The following LTBP1 variants were observed in gnomAD, a reference collection of about 807,000 sequenced individuals.
The protein encoded by LTBP1 is latent transforming growth factor beta binding protein 1, also known as latent-transforming growth factor beta-binding protein 1.
Under a neutral mutation model 207.6 loss-of-function variants are expected in LTBP1, and 129 were observed. The observed-to-expected ratio is 0.62, with a 90% confidence interval of 0.54 to 0.72. The LOEUF (loss-of-function observed/expected upper bound fraction) is 0.72, where lower values mean the gene tolerates loss of function less well. Ranked by LOEUF, LTBP1 falls within the 30% of genes least tolerant of loss-of-function variation. LTBP1 has a pLI of 0.00. For missense variants in LTBP1, 2,281 were observed against 2,217.2 expected (o/e 1.03, Z -0.58); for synonymous variants, 963 against 833.7 (o/e 1.16, Z -2.67).
At chr2:32,983,085 G>A in intron 2 of LTBP1, among the ~76,000 whole-genome samples, 1 of 152,222 alleles carries the variant, frequency 6.6e-6, no homozygotes, top group East Asian at 1.9e-4. Context: ...AAAGCAGCCA[G>A]GAGTGGTGCT....
rs760703389 is a variant in LTBP1 at position 33,397,201 on chromosome 2, C to T, written c.4903C>T (p.Arg1635Cys). ...CGILNGCENG[R>C]CVRVQEGYTC... ...CATCCTCAATGGATGTGAAAATGGT[C>T]GCTGTGTGAGGGTCCAGGAAGGTTA... The change falls in exon 33 of 34, where the codon CGC becomes TGC. Residue 1635 changes from arginine (R) to cysteine (C), a missense_variant. Coordinates refer to ENST00000404816, the MANE Select transcript of LTBP1 (RefSeq NM_206943.4). 6.8e-6 allele frequency: 11 copies of T among 1,614,084 alleles called. No individual in the cohort carries two copies. Among genetic ancestry groups the T allele is most frequent in the Non-Finnish European group, 8.5e-6 (10 of 1,180,000 alleles).
intron 24 of LTBP1, among the ~76,000 whole-genome samples, chr2:33,338,731 G>A (rs796724946): frequency 1.2e-4 from 19 of 152,252 alleles, no homozygotes; most frequent in African/African-American, 3.1e-4. Flanking sequence ...TTCCAGAGAC[G>A]GAAGGAGTGG....
chr2:32,956,637 C>A (rs778643536), intron 2 of LTBP1, among the ~76,000 whole-genome samples: 3 of 152,194 alleles, frequency 2.0e-5, no homozygotes, highest in African/African-American at 7.2e-5. Context: ...CAGCTTCTTC[C>A]AAACTCCTGT....
intron 3 of LTBP1, among the ~76,000 whole-genome samples, chr2:33,076,996 C>T (rs952826184): frequency 4.6e-5 from 7 of 152,156 alleles, no homozygotes; most frequent in African/African-American, 9.7e-5. Context: ...GATGAATTTT[C>T]GTCTCTCCTC....
At chr2:33,015,391 A>G (rs1688239502) in intron 2 of LTBP1, among the ~76,000 whole-genome samples, 1 of 152,184 alleles carries the variant, frequency 6.6e-6, no homozygotes, top group Non-Finnish European at 1.5e-5. Context: ...TTTCCTTTAT[A>G]GACGTCCTTA....
At chr2:33,122,149 A>G (rs2081165807) in intron 4 of LTBP1, among the ~76,000 whole-genome samples, 1 of 151,112 alleles carries the variant, frequency 6.6e-6, no homozygotes, top group Non-Finnish European at 1.5e-5. Flanking sequence ...GGGTGGAACG[A>G]GTCTATGGGT....
intron 3 of LTBP1, among the ~76,000 whole-genome samples, chr2:33,100,727 C>G (rs1002474991): frequency 6.6e-6 from 1 of 152,144 alleles, no homozygotes; most frequent in African/African-American, 2.4e-5. Context: ...GTGATAACCT[C>G]TACTCTATTT....
chr2:33,231,001 G>A (rs532059227), intron 9 of LTBP1, among the ~76,000 whole-genome samples: 3 of 152,230 alleles, frequency 2.0e-5, no homozygotes, highest in African/African-American at 7.2e-5. Flanking sequence ...AGATCATCTC[G>A]AAGACTTTTT....
chr2:33,108,178 A>G (rs1296246127), intron 3 of LTBP1, among the ~76,000 whole-genome samples: 2 of 151,950 alleles, frequency 1.3e-5, no homozygotes, highest in Admixed American at 6.6e-5. Context: ...AGTTTCCTCT[A>G]CTTGCCTCAG....
At chr2:32,961,818 C>T (rs62135702) in intron 2 of LTBP1, among the ~76,000 whole-genome samples, 8,455 of 151,820 alleles carry the variant, frequency 0.056, 272 homozygotes, top group African/African-American at 0.074. Context: ...TGGTGGTGGG[C>T]GCCGGTAATC....
chr2:33,074,869 CAAAAAAA>C (rs36211816), intron 3 of LTBP1, among the ~76,000 whole-genome samples: 2 of 131,950 alleles, frequency 1.5e-5, no homozygotes, highest in African/African-American at 6.8e-5. Context: ...GACTCCATCT[CAAAAAAA>C]AAAAAAAAAA....
chr2:33,292,211 A>C (rs1470735592), intron 19 of LTBP1, among the ~76,000 whole-genome samples: 1 of 152,240 alleles, frequency 6.6e-6, no homozygotes, highest in African/African-American at 2.4e-5. Flanking sequence ...GTAGGGACTT[A>C]ATATTTTTTA....
chr2:33,363,292 A>G (rs1435075918), intron 28 of LTBP1, 98 bp from the exon 29 acceptor site: 5 of 1,185,236 alleles, frequency 4.2e-6, no homozygotes. Flanking sequence ...TGTAAATATT[A>G]TAATATCTAA....
intron 3 of LTBP1, among the ~76,000 whole-genome samples, chr2:33,108,880 T>C (rs965053971): frequency 3.9e-5 from 6 of 152,228 alleles, no homozygotes; most frequent in Non-Finnish European, 7.3e-5. Flanking sequence ...CCAAACACAC[T>C]TAATGTCAAA....
At chr2:33,036,601 G>A (rs2075938748) in intron 3 of LTBP1, among the ~76,000 whole-genome samples, 1 of 152,086 alleles carries the variant, frequency 6.6e-6, no homozygotes, top group Non-Finnish European at 1.5e-5. Flanking sequence ...GGGATTACAG[G>A]TGTGTGCCAC....
At chr2:33,316,167 A>G (rs954019119) in intron 24 of LTBP1, among the ~76,000 whole-genome samples, 3 of 31,662 alleles carry the variant, frequency 9.5e-5, no homozygotes, top group Non-Finnish European at 1.3e-4. Flanking sequence ...TTTTCATAAG[A>G]TTTGTGTTCT....
intron 2 of LTBP1, among the ~76,000 whole-genome samples, chr2:32,954,548 G>GCCC (rs531876196): frequency 4.4e-5 from 6 of 136,040 alleles, no homozygotes; most frequent in African/African-American, 1.4e-4. Flanking sequence ...TCCACTCCCC[G>GCCC]CCCCCCCCCA....
At chr2:33,103,195 T>C (rs959826905) in intron 3 of LTBP1, among the ~76,000 whole-genome samples, 3 of 152,186 alleles carry the variant, frequency 2.0e-5, no homozygotes, top group African/African-American at 7.2e-5. Context: ...ATGCACTGTC[T>C]GTATGCAGTC....
intron 10 of LTBP1, among the ~76,000 whole-genome samples, chr2:33,244,671 C>G (rs1167013492): frequency 6.6e-6 from 1 of 151,810 alleles, no homozygotes; most frequent in African/African-American, 2.4e-5. Context: ...TGGGGTCTTG[C>G]TATGTTGCCT....
Sources: allele counts gnomAD v4.1 joint callset (sites outside exome capture counted in the v4.1 genomes callset), GRCh38; gene constraint gnomAD v4.1.1; transcripts MANE v1.5; gene names NCBI Gene and HGNC (gene_info 2026-07-23, HGNC 2026-07-21).